CHUK: variants seen among roughly 807,000 people sequenced by gnomAD.
CHUK encodes component of inhibitor of nuclear factor kappa B kinase complex.
Under a neutral mutation model 104.8 loss-of-function variants are expected in CHUK, and 35 were observed. That is an observed-to-expected ratio of 0.33 (90% CI 0.26 to 0.44). CHUK has a LOEUF of 0.44. CHUK is among the 20% of genes least tolerant of loss of function. The probability of loss-of-function intolerance (pLI) is 1.00; values close to 1 mark genes in which losing one functional copy is unlikely to be tolerated. For synonymous variants in CHUK, 276 were observed against 291.9 expected (o/e 0.95, Z 0.56); for missense variants, 663 against 902.7 (o/e 0.73, Z 3.40).
downstream of CHUK, chr10:100,186,995 T>C (rs954075608): frequency 6.6e-6 from 1 of 152,128 alleles, no homozygotes; most frequent in Non-Finnish European, 1.5e-5. Context: ...CAGTTCACAA[T>C]AGGGTTCGCG....
rs930291157 is a variant in CHUK at position 100,189,839 on chromosome 10, T to C, written c.2209-212A>G. On this transcript the variant is annotated intron_variant, in intron 20 of 20. Coordinates refer to ENST00000370397, the MANE Select transcript of CHUK (RefSeq NM_001278.5). The stretch of plus-strand genomic sequence containing the variant: ...TTATTCTTTCCTTTTCTTTTCTTTT[T>C]TTTTTTTTTCTTAAGAGAGCAGGAT... Among the ~76,000 whole-genome samples, 23 of 151,522 alleles carry C rather than the reference T, an allele frequency of 1.5e-4. 1 individual carries two copies. The highest frequency in any genetic ancestry group is 1.1e-3 in the Admixed American group (17 of 15,232).
At chr10:100,220,782 G>T in intron 4 of CHUK, 106 bp from the exon 5 acceptor site, 1 of 730,514 alleles carries the variant, frequency 1.4e-6, no homozygotes, top group South Asian at 1.5e-5. Flanking sequence ...AAGTTTATAT[G>T]GATCATCGTA....
At chr10:100,194,716 T>A in intron 16 of CHUK, 195 bp from the exon 17 acceptor site, 1 of 447,080 alleles carries the variant, frequency 2.2e-6, no homozygotes, top group Non-Finnish European at 4.0e-6. Flanking sequence ...ATATAAAAAA[T>A]AAAGTTTGCA....
At chr10:100,192,854 T>G (rs2134205739) in intron 19 of CHUK, 1 of 508,628 alleles carries the variant, frequency 2.0e-6, no homozygotes. Context: ...TCTCAAAAAT[T>G]TATTAGAAGG....
chr10:100,213,742 G>A (rs1012618338), intron 9 of CHUK, among the ~76,000 whole-genome samples: 2 of 151,992 alleles, frequency 1.3e-5, no homozygotes, highest in South Asian at 2.1e-4. Context: ...GGCTGGTCTC[G>A]AACTCCAGAC....
At chr10:100,221,146 A>T (rs1845977058) in intron 4 of CHUK, among the ~76,000 whole-genome samples, 1 of 152,132 alleles carries the variant, frequency 6.6e-6, no homozygotes, top group Non-Finnish European at 1.5e-5. Context: ...CACCCTGAAG[A>T]GTTGACTTGG....
chr10:100,191,630 C>G (rs542727528), intron 19 of CHUK, among the ~76,000 whole-genome samples: 1 of 152,308 alleles, frequency 6.6e-6, no homozygotes, highest in South Asian at 2.1e-4. Context: ...TATATGGCCT[C>G]TAGCTTCTCC....
At position 100,219,047 on chromosome 10, in the gene CHUK, C is replaced by T. The variant is rs747641034; in HGVS notation, c.650G>A (p.Gly217Glu). Residue 217 changes from glycine (G) to glutamate (E), a missense_variant, in exon 7 of 21, where the codon GGA becomes GAA. By Grantham distance (98) the Gly-to-Glu change is moderately conservative (BLOSUM62 -2). Transcript: ENST00000370397. ...CAGATGATGCAAAAAAGGCCTATAT[C>T]CAGCAATACATTCAAATACCATGGT... ...FGTMVFECIAGYRPFLHHLQP... is the reference protein window; with the variant it reads ...FGTMVFECIAEYRPFLHHLQP... The T allele has an allele frequency of 6.2e-7, 1 of 1,613,924 alleles. No individual in the cohort carries two copies. The highest frequency in any genetic ancestry group is 8.5e-7 in the Non-Finnish European group (1 of 1,179,862).
At chr10:100,189,990 G>T in intron 20 of CHUK, 1 of 185,814 alleles carries the variant, frequency 5.4e-6, no homozygotes, top group South Asian at 1.0e-4. Context: ...CGGACTACAG[G>T]TACATGTCAT....
At chr10:100,189,659 A>G in intron 20 of CHUK, 32 bp from the exon 21 acceptor site, 1 of 1,558,182 alleles carries the variant, frequency 6.4e-7, no homozygotes, top group Non-Finnish European at 8.9e-7. Flanking sequence ...TTACAATTAG[A>G]TGTTGACTAT....
At chr10:100,228,341 T>C (rs975041662) in intron 1 of CHUK, among the ~76,000 whole-genome samples, 3 of 152,088 alleles carry the variant, frequency 2.0e-5, no homozygotes, top group Admixed American at 2.0e-4. Context: ...GTTCACAGCT[T>C]TTATCGGTAT....
At chr10:100,201,950 A>G in intron 14 of CHUK, 138 bp downstream of exon 14, 3 of 723,786 alleles carry the variant, frequency 4.1e-6, no homozygotes, top group East Asian at 5.2e-5. Flanking sequence ...CCCTCTTTAT[A>G]TACAAAGCAT....
chr10:100,219,419 A>G, intron 5 of CHUK, 60 bp from the exon 6 acceptor site: 1 of 968,936 alleles, frequency 1.0e-6, no homozygotes, highest in Non-Finnish European at 1.7e-6. Context: ...AAGGAAAGAC[A>G]ACAATATCCT....
At chr10:100,209,513 TC>T (rs1204572530) in intron 10 of CHUK, 81 bp downstream of exon 10, 10 of 852,514 alleles carry the variant, frequency 1.2e-5, no homozygotes, top group South Asian at 1.1e-4. Context: ...CCCAAGGAAT[TC>T]CAAGTATGCA....
At chr10:100,218,172 T>G in intron 8 of CHUK, 42 bp from the exon 9 acceptor site, 1 of 1,556,166 alleles carries the variant, frequency 6.4e-7, no homozygotes, top group Non-Finnish European at 8.9e-7. Context: ...AATCATTATG[T>G]TCCAATTTCC....
At chr10:100,198,356 G>A (rs1845384843) in intron 16 of CHUK, among the ~76,000 whole-genome samples, 1 of 152,092 alleles carries the variant, frequency 6.6e-6, no homozygotes, top group Non-Finnish European at 1.5e-5. Context: ...CCATACTCAA[G>A]CGTTGAGATT....
chr10:100,215,652 A>G (rs1218244720), intron 9 of CHUK, among the ~76,000 whole-genome samples: 1 of 152,268 alleles, frequency 6.6e-6, no homozygotes, highest in Non-Finnish European at 1.5e-5. Flanking sequence ...TATGCATACA[A>G]TCAGACTTGC....
chr10:100,210,665 G>A (rs917577811), intron 9 of CHUK, among the ~76,000 whole-genome samples: 7 of 152,218 alleles, frequency 4.6e-5, no homozygotes, highest in African/African-American at 1.7e-4. Context: ...TCTGATAGAA[G>A]AACTAGGTCT....
At chr10:100,210,091 A>ATTTATTTATTTATT (rs58570772) in intron 9 of CHUK, among the ~76,000 whole-genome samples, 1 of 121,802 alleles carries the variant, frequency 8.2e-6, no homozygotes, top group African/African-American at 3.0e-5. Flanking sequence ...TTATTTATTT[A>ATTTATTTATTTATT]TTTTTTTTTT....
Sources: allele counts gnomAD v4.1 joint callset (sites outside exome capture counted in the v4.1 genomes callset), GRCh38; gene constraint gnomAD v4.1.1; transcripts MANE v1.5; gene names NCBI Gene and HGNC (gene_info 2026-07-23, HGNC 2026-07-21).